SNX1: variants seen among roughly 807,000 people sequenced by gnomAD.
SNX1 encodes the protein sorting nexin-1.
Under a neutral mutation model 71.8 loss-of-function variants are expected in SNX1, and 36 were observed. The ratio of observed to expected loss-of-function variants is 0.50; its 90% CI spans 0.38 to 0.66. SNX1 has a LOEUF of 0.66. Among genes scored for constraint, SNX1 ranks in the 30% least tolerant of loss-of-function variants. The pLI, the probability that SNX1 is intolerant of heterozygous loss-of-function variation, is 0.00. For missense variants in SNX1, 612 were observed against 646.7 expected, an observed-to-expected ratio of 0.95 and a Z score of 0.58; for synonymous variants, 254 against 240.7, an observed-to-expected ratio of 1.06 and a Z score of -0.51.
chr15:64,114,331 AT>A (rs2081107603), intron 2 of SNX1, among the ~76,000 whole-genome samples: 2 of 152,230 alleles, frequency 1.3e-5, no homozygotes, highest in Admixed American at 1.3e-4. Context: ...ACAAAATCTG[AT>A]TTTAGTGATT....
chr15:64,137,085 C>T (rs2081366999), intron 14 of SNX1, among the ~76,000 whole-genome samples, 153 bp downstream of exon 14: 1 of 152,188 alleles, frequency 6.6e-6, no homozygotes, highest in Non-Finnish European at 1.5e-5. Context: ...GCTGCTCTGA[C>T]ATGGAGCATC....
At chr15:64,105,364 G>C (rs889932204) in intron 1 of SNX1, among the ~76,000 whole-genome samples, 5 of 152,178 alleles carry the variant, frequency 3.3e-5, no homozygotes, top group Admixed American at 3.3e-4. Context: ...CATTAGTTTG[G>C]ACTGGAGAAA....
Position 64,118,754 on chromosome 15 carries a change from A to G in SNX1, c.400-34A>G, listed in dbSNP as rs1217210758. 4 of 1,538,720 alleles carry G rather than the reference A, an allele frequency of 2.6e-6. No individual in the cohort carries two copies. In the East Asian group the frequency reaches 6.8e-5, roughly 26 times the overall value. On this transcript the variant is annotated intron_variant, in intron 3 of 14. Coordinates refer to ENST00000559844, the MANE Select transcript of SNX1 (RefSeq NM_003099.5). ...TAAAATTGATAGCTTTTTTTTTCAT[A>G]TCAACTCTCATGATTTGTCTTTTCT...
intron 1 of SNX1, 34 bp from the exon 2 acceptor site, chr15:64,112,539 T>G: frequency 1.4e-6 from 2 of 1,466,268 alleles, no homozygotes; most frequent in Non-Finnish European, 1.9e-6. Context: ...TTTTTCATGG[T>G]AATGTTTTAT....
intron 1 of SNX1, among the ~76,000 whole-genome samples, chr15:64,108,272 T>TA (rs2081043332): frequency 6.6e-6 from 1 of 152,210 alleles, no homozygotes; most frequent in African/African-American, 2.4e-5. Context: ...ACGTTCTTTA[T>TA]AAAGTACTGT....
At chr15:64,124,453 G>A (rs2081229181) in intron 5 of SNX1, among the ~76,000 whole-genome samples, 1 of 148,362 alleles carries the variant, frequency 6.7e-6, no homozygotes, top group Non-Finnish European at 1.5e-5. Flanking sequence ...CTTGCAGTGA[G>A]CCGAGATCGC....
chr15:64,131,763 A>C lies in SNX1; in HGVS notation c.1092A>C (p.Ser364=), dbSNP rs1283434878. ...LGSSEDNTAL[S]RALSQLAEVE... is the part of the protein sequence containing the mutation. ...GCTCTGAGGACAACACGGCATTGTCACGGGCACTCTCCCAGCTGGCTGAGG... is the reference window on the plus strand; with the variant it reads ...GCTCTGAGGACAACACGGCATTGTCCCGGGCACTCTCCCAGCTGGCTGAGG... Residue 364 remains serine, a synonymous_variant, in exon 11 of 15, where the codon TCA becomes TCC. Coordinates refer to ENST00000559844, the MANE Select transcript of SNX1 (RefSeq NM_003099.5). 3 of 1,614,084 alleles carry C rather than the reference A, an allele frequency of 1.9e-6. No individual in the cohort carries two copies. The highest frequency in any genetic ancestry group is 2.7e-5 in the African/African-American group (2 of 74,938).
At chr15:64,125,450 G>T (rs1395782319) in intron 5 of SNX1, among the ~76,000 whole-genome samples, 2 of 144,124 alleles carry the variant, frequency 1.4e-5, no homozygotes, top group Non-Finnish European at 3.0e-5. Flanking sequence ...GGGTGACAGA[G>T]TGAGACTCCA....
chr15:64,096,141 G>C lies in SNX1; in HGVS notation c.128G>C (p.Gly43Ala). Residue 43 changes from glycine to alanine, a missense_variant, in exon 1 of 15, where the codon GGG becomes GCG. By Grantham distance (60) the Gly-to-Ala change is moderately conservative. Coordinates refer to ENST00000559844, the MANE Select transcript of SNX1 (RefSeq NM_003099.5). ...EPEAGDSDTEGEDIFTGAAVV... is the reference protein window; with the variant it reads ...EPEAGDSDTEAEDIFTGAAVV... ...GAGGCTGGGGACAGCGACACCGAGG[G>C]GGAGGACATTTTCACCGGCGCCGCG... 1.3e-6 allele frequency: 2 copies of C among 1,554,376 alleles called. No homozygotes were observed. The highest frequency in any genetic ancestry group is 1.7e-6 in the Non-Finnish European group (2 of 1,149,148).
intron 1 of SNX1, among the ~76,000 whole-genome samples, chr15:64,096,799 C>A (rs1277849804): frequency 1.3e-5 from 2 of 152,180 alleles, no homozygotes; most frequent in Non-Finnish European, 2.9e-5. Context: ...GGGATGTGTT[C>A]AAGTGCCCAC....
chr15:64,137,676 C>T lies in SNX1; in HGVS notation c.*58C>T. 6.2e-7 allele frequency: 1 copy of T among 1,612,176 alleles called. No homozygotes were observed. Among genetic ancestry groups the T allele is most frequent in the South Asian group, 1.1e-5 (1 of 90,762 alleles). On this transcript the variant is annotated 3_prime_UTR_variant, in exon 15 of 15. Coordinates refer to ENST00000559844, the MANE Select transcript of SNX1 (RefSeq NM_003099.5). ...CGCTGCCTTTTTATACACTGTCCTC[C>T]TCCACCTTGATGGACCCCTAGTGAT...
At chr15:64,099,436 C>A (rs1412319080) in intron 1 of SNX1, among the ~76,000 whole-genome samples, 1 of 152,166 alleles carries the variant, frequency 6.6e-6, no homozygotes, top group Non-Finnish European at 1.5e-5. Flanking sequence ...CCCACAAAAT[C>A]TAATAATGGA....
At chr15:64,112,753 C>G (rs1341208000) in intron 2 of SNX1, 69 bp downstream of exon 2, 1 of 793,604 alleles carries the variant, frequency 1.3e-6, no homozygotes, top group African/African-American at 1.9e-5. Context: ...GAGTTAAAGT[C>G]AAAACCAAAA....
chr15:64,128,420 A>G (rs947749694), intron 8 of SNX1, among the ~76,000 whole-genome samples: 1 of 152,264 alleles, frequency 6.6e-6, no homozygotes, highest in African/African-American at 2.4e-5. Flanking sequence ...CTGTAGAAAC[A>G]TGTAAGTCAT....
intron 1 of SNX1, among the ~76,000 whole-genome samples, chr15:64,096,405 T>A (rs1595968452): frequency 6.6e-6 from 1 of 152,150 alleles, no homozygotes; most frequent in South Asian, 2.1e-4. Context: ...GCTAGCTCCC[T>A]AACAGCCGAG....
Position 64,130,331 on chromosome 15 carries a change from T to G in SNX1, c.1015+10T>G. On this transcript the variant is annotated intron_variant, in intron 10 of 14. Coordinates refer to ENST00000559844, the MANE Select transcript of SNX1 (RefSeq NM_003099.5). ...GTCAACCATAGGAAAGGTAACAAGC[T>G]CTGAAATGCACTTGGAGCTAGGGGA... 6.2e-7 allele frequency: 1 copy of G among 1,607,268 alleles called. No individual in the cohort carries two copies. The highest frequency in any genetic ancestry group is 8.5e-7 in the Non-Finnish European group (1 of 1,173,828).
In SNX1 at chr15:64,115,819, A is replaced by C. The variant is rs368477982; in HGVS notation, c.272-2298A>C. The C allele has an allele frequency of 7.5e-4, 126 of 168,330 alleles. 1 individual carries two copies. The South Asian group carries it at 0.013, about 18-fold the overall frequency. 10.4% of individuals were successfully genotyped at this position (168,330 alleles called of 1,614,324 possible). On this transcript the variant is annotated intron_variant, in intron 2 of 14. Coordinates refer to ENST00000559844, the MANE Select transcript of SNX1 (RefSeq NM_003099.5). ...GCAAAAGGTTTTTAGTAGCTTTCTA[A>C]AGGGCCAAATATTTTAGATGAGTGA...
Position 64,096,149 on chromosome 15 carries a change from AT to A in SNX1, c.140del (p.Phe47SerfsTer15). The A allele has an allele frequency of 6.4e-7, 1 of 1,552,702 alleles. No individual in the cohort carries two copies. On this transcript the variant is annotated frameshift_variant, in exon 1 of 15. Coordinates refer to ENST00000559844, the MANE Select transcript of SNX1 (RefSeq NM_003099.5). LOFTEE classifies it high-confidence loss of function. ...AGDSDTEGED[I>X]FTGAAVVSKH... ...GGACAGCGACACCGAGGGGGAGGAC[AT>A]TTTCACCGGCGCCGCGGTGGTCGTG...
intron 1 of SNX1, among the ~76,000 whole-genome samples, chr15:64,107,404 G>A (rs930927760): frequency 6.6e-6 from 1 of 152,208 alleles, no homozygotes; most frequent in Non-Finnish European, 1.5e-5. Context: ...TAGAATCACA[G>A]CAGTGCTTAA....
Sources: gnomAD v4.1 joint callset for allele counts (sites outside exome capture counted in the v4.1 genomes callset) on GRCh38, gnomAD v4.1.1 for gene constraint, MANE v1.5 for transcripts, NCBI Gene and HGNC (gene_info 2026-07-23, HGNC 2026-07-21) for gene names.